Variants in ASIC2 observed in about 807,000 individuals in gnomAD.
ASIC2 encodes acid sensing ion channel subunit 2.
In ASIC2, 25 loss-of-function variants were observed where a neutral mutation model predicts 57.3. The observed-to-expected ratio is 0.44, with a 90% confidence interval of 0.32 to 0.61. The LOEUF is 0.61. ASIC2 is among the 20% of genes least tolerant of loss of function. The pLI, the probability that ASIC2 is intolerant of heterozygous loss-of-function variation, is 0.06. For missense variants in ASIC2, 641 were observed against 738.1 expected (o/e 0.87, Z 1.52); for synonymous variants, 319 against 307.5 (o/e 1.04, Z -0.39).
chr17:33,198,014 A>G (rs1906707444), intron 1 of ASIC2, among the ~76,000 whole-genome samples: 1 of 152,196 alleles, frequency 6.6e-6, no homozygotes, highest in African/African-American at 2.4e-5. Flanking sequence ...TTAACCTTGT[A>G]ATACTGGGTT....
chr17:33,919,906 C>T (rs758477468), intron 1 of ASIC2, among the ~76,000 whole-genome samples: 1 of 152,076 alleles, frequency 6.6e-6, no homozygotes, highest in Non-Finnish European at 1.5e-5. Context: ...AAGTGGCCAA[C>T]AAACATGAAA....
At chr17:33,991,813 G>C (rs1182562135) in intron 1 of ASIC2, among the ~76,000 whole-genome samples, 1 of 152,158 alleles carries the variant, frequency 6.6e-6, no homozygotes. Context: ...CACAATTACA[G>C]CCTGAGAGGA....
At chr17:33,707,759 G>T (rs1027137562) in intron 1 of ASIC2, among the ~76,000 whole-genome samples, 3 of 152,060 alleles carry the variant, frequency 2.0e-5, no homozygotes, top group Non-Finnish European at 4.4e-5. Flanking sequence ...GTATCTTTTC[G>T]CATTTAAAAG....
chr17:33,345,036 C>A (rs1907889479), intron 1 of ASIC2, among the ~76,000 whole-genome samples: 1 of 152,188 alleles, frequency 6.6e-6, no homozygotes, highest in African/African-American at 2.4e-5. Context: ...AATTTATAAG[C>A]CACCACTGGA....
Position 33,480,331 on chromosome 17 carries a change from T to A in ASIC2, c.556-368264A>T, listed in dbSNP as rs182431672. Among the ~76,000 whole-genome samples the A allele has an allele frequency of 1.7e-3, 266 of 152,014 alleles. 1 individual carries two copies. Among genetic ancestry groups the A allele is most frequent in the Non-Finnish European group, 2.4e-3 (161 of 67,978 alleles). ...GAGCAATAGTAACATGAGGAACAGA[T>A]TTGGAGGGGTGGGGCTCAGTCTTCT... is the stretch of plus-strand genomic sequence containing the variant. On this transcript the variant is annotated intron_variant, in intron 1 of 9. Coordinates refer to the ASIC2 transcript ENST00000359872.
chr17:33,618,918 T>C (rs1431558443), intron 1 of ASIC2, among the ~76,000 whole-genome samples: 2 of 152,200 alleles, frequency 1.3e-5, no homozygotes, highest in Non-Finnish European at 2.9e-5. Flanking sequence ...CTCCTTTTAT[T>C]TTCTGTTTTG....
At chr17:34,133,868 G>A (rs1490029081) in intron 1 of ASIC2, among the ~76,000 whole-genome samples, 1 of 152,194 alleles carries the variant, frequency 6.6e-6, no homozygotes, top group African/African-American at 2.4e-5. Context: ...TTTGCAGGGT[G>A]AGGGGTGTGG....
At chr17:33,337,797 A>G (rs1326745058) in intron 1 of ASIC2, among the ~76,000 whole-genome samples, 1 of 137,552 alleles carries the variant, frequency 7.3e-6, no homozygotes, top group Non-Finnish European at 1.5e-5. Context: ...GGGCAAAGAA[A>G]ATGTAAGTGT....
At chr17:33,978,982 TC>T (rs1905500469) in intron 1 of ASIC2, among the ~76,000 whole-genome samples, 1 of 152,112 alleles carries the variant, frequency 6.6e-6, no homozygotes, top group African/African-American at 2.4e-5. Flanking sequence ...TTATTGTGTC[TC>T]CTCGGTGACA....
intron 1 of ASIC2, among the ~76,000 whole-genome samples, chr17:33,972,296 C>T (rs142438054): frequency 1.5e-4 from 23 of 152,142 alleles, no homozygotes; most frequent in African/African-American, 4.6e-4. Context: ...ATACATTTGA[C>T]GATTGATTTA....
chr17:33,944,688 G>C (rs1004037207), intron 1 of ASIC2, among the ~76,000 whole-genome samples: 8 of 152,204 alleles, frequency 5.3e-5, no homozygotes, highest in Admixed American at 3.9e-4. Flanking sequence ...CCTCAGGGTT[G>C]CCCTGCCAGA....
At chr17:33,555,524 A>T (rs1915881368) in intron 1 of ASIC2, among the ~76,000 whole-genome samples, 1 of 152,188 alleles carries the variant, frequency 6.6e-6, no homozygotes, top group African/African-American at 2.4e-5. Context: ...TGGAAAAATA[A>T]GAGGTGATGA....
chr17:33,269,479 T>G (rs1214319102), intron 1 of ASIC2, among the ~76,000 whole-genome samples: 1 of 152,134 alleles, frequency 6.6e-6, no homozygotes, highest in African/African-American at 2.4e-5. Flanking sequence ...ATCACCCTCC[T>G]CCATCCCCCA....
intron 1 of ASIC2, among the ~76,000 whole-genome samples, chr17:33,849,328 C>G (rs1913701429): frequency 6.6e-6 from 1 of 152,160 alleles, no homozygotes; most frequent in African/African-American, 2.4e-5. Context: ...GGGACTAGTG[C>G]TCTACTGCAG....
chr17:34,151,443 C>T (rs1202068455), intron 1 of ASIC2, among the ~76,000 whole-genome samples: 1 of 152,152 alleles, frequency 6.6e-6, no homozygotes, highest in Non-Finnish European at 1.5e-5. Context: ...CACTATGACA[C>T]ACTGCTATAA....
chr17:33,488,300 C>T (rs933241255), intron 1 of ASIC2, among the ~76,000 whole-genome samples: 5 of 152,214 alleles, frequency 3.3e-5, no homozygotes, highest in African/African-American at 1.2e-4. Context: ...GACTTCCTCA[C>T]CTCCGCACCT....
At chr17:33,393,705 T>C (rs947865486) in intron 1 of ASIC2, among the ~76,000 whole-genome samples, 1 of 152,200 alleles carries the variant, frequency 6.6e-6, no homozygotes, top group African/African-American at 2.4e-5. Context: ...ATCTAAGTTA[T>C]GGCATCCTAA....
chr17:33,299,558 T>G (rs989467603), intron 1 of ASIC2, among the ~76,000 whole-genome samples: 1 of 152,164 alleles, frequency 6.6e-6, no homozygotes. Context: ...TGTACACGCT[T>G]GGCCTCACCT....
rs144560587 is a variant in ASIC2 at position 33,748,204 on chromosome 17, G to T, written c.555+407774C>A. Among the ~76,000 whole-genome samples, 465 of 152,266 alleles carry T rather than the reference G, an allele frequency of 3.1e-3. 3 individuals carry two copies. The highest frequency in any genetic ancestry group is 0.011 in the African/African-American group (448 of 41,562). On this transcript the variant is annotated intron_variant, in intron 1 of 9. Coordinates refer to the ASIC2 transcript ENST00000359872. ...CCCTCCTAGCCACCTGCCTCCTTAA[G>T]CACCCGCCTCCTGGTGCCTGCTTCC...
Sources: gnomAD v4.1 joint callset for allele counts (sites outside exome capture counted in the v4.1 genomes callset) on GRCh38, gnomAD v4.1.1 for gene constraint, MANE v1.5 for transcripts, NCBI Gene and HGNC (gene_info 2026-07-23, HGNC 2026-07-21) for gene names.